DIAPH3: variants seen among roughly 807,000 people sequenced by gnomAD.
DIAPH3 encodes protein diaphanous homolog 3.
In DIAPH3, 117 loss-of-function variants were observed where a neutral mutation model predicts 144.3. The ratio of observed to expected loss-of-function variants is 0.81; its 90% CI spans 0.70 to 0.95. The LOEUF (loss-of-function observed/expected upper bound fraction) is 0.95. DIAPH3 is among the 40% of genes least tolerant of loss of function. The pLI, the probability that DIAPH3 is intolerant of heterozygous loss-of-function variation, is 0.00. For synonymous variants in DIAPH3, 519 were observed against 488.9 expected (o/e 1.06, Z -0.81); for missense variants, 1,421 against 1,412.7 (o/e 1.01, Z -0.09).
intron 9 of DIAPH3, among the ~76,000 whole-genome samples, chr13:60,006,924 T>C (rs2052907174): frequency 6.6e-6 from 1 of 152,192 alleles, no homozygotes; most frequent in African/African-American, 2.4e-5. Flanking sequence ...GACCCTCTGG[T>C]CAGATCTTCA....
At chr13:59,682,698 C>T (rs2033008799) in intron 27 of DIAPH3, among the ~76,000 whole-genome samples, 1 of 152,074 alleles carries the variant, frequency 6.6e-6, no homozygotes, top group African/African-American at 2.4e-5. Flanking sequence ...ACAAGGAATA[C>T]CCTATTCCCT....
At chr13:60,076,870 T>C (rs2057399107) in intron 4 of DIAPH3, among the ~76,000 whole-genome samples, 1 of 152,128 alleles carries the variant, frequency 6.6e-6, no homozygotes, top group Non-Finnish European at 1.5e-5. Context: ...TACTTATTTA[T>C]TGGGCATTAA....
chr13:59,779,013 T>C (rs1050008688), intron 25 of DIAPH3, among the ~76,000 whole-genome samples: 3 of 152,228 alleles, frequency 2.0e-5, no homozygotes, highest in African/African-American at 7.2e-5. Context: ...TTCAATTGTA[T>C]TTCCAATTGT....
chr13:60,131,550 G>A (rs540424774), intron 2 of DIAPH3, among the ~76,000 whole-genome samples: 25 of 150,656 alleles, frequency 1.7e-4, no homozygotes, highest in African/African-American at 5.9e-4. Flanking sequence ...GACCACATAC[G>A]ATATGAGTCA....
At chr13:60,066,940 G>T (rs2141325592) in intron 4 of DIAPH3, among the ~76,000 whole-genome samples, 1 of 152,278 alleles carries the variant, frequency 6.6e-6, no homozygotes, top group Non-Finnish European at 1.5e-5. Context: ...GGAACTATAT[G>T]TTTATGGAAG....
intron 23 of DIAPH3, among the ~76,000 whole-genome samples, chr13:59,835,233 T>C (rs552397827): frequency 7.9e-5 from 12 of 151,768 alleles, no homozygotes; most frequent in Non-Finnish European, 1.6e-4. Context: ...AGTTCCACTG[T>C]ATTCTAGGCA....
intron 9 of DIAPH3, among the ~76,000 whole-genome samples, chr13:59,996,808 G>C (rs945305934): frequency 6.6e-6 from 1 of 151,972 alleles, no homozygotes; most frequent in African/African-American, 2.4e-5. Context: ...AGCCGAAAGA[G>C]GTTAACAACA....
rs571818093 is a variant in DIAPH3, at chr13:59,861,848, C to T, written c.2608-312G>A. 2.0e-5 allele frequency among the ~76,000 whole-genome samples: 3 copies of T among 152,228 alleles called. No homozygotes were observed. The South Asian group carries it at 6.2e-4, about 32-fold the overall frequency. On this transcript the variant is annotated intron_variant, in intron 21 of 27. Coordinates refer to ENST00000400324, the MANE Select transcript of DIAPH3 (RefSeq NM_001042517.2). ...CTATTTAATAGTAGTATTTAAACAT[C>T]CTTGGCATTCATCCATTTATCACTT...
intron 1 of DIAPH3, among the ~76,000 whole-genome samples, chr13:60,142,861 G>T (rs776336653): frequency 6.6e-6 from 1 of 151,744 alleles, no homozygotes; most frequent in Admixed American, 6.6e-5. Context: ...GAGCTCAAGC[G>T]ATCAGCTTCC....
intron 17 of DIAPH3, among the ~76,000 whole-genome samples, chr13:59,935,193 T>C (rs2048206611): frequency 6.6e-6 from 1 of 152,204 alleles, no homozygotes. Context: ...CAAGGTCAAC[T>C]GCAGGCTGGG....
At chr13:59,773,001 T>A (rs186114176) in intron 27 of DIAPH3, among the ~76,000 whole-genome samples, 1 of 152,086 alleles carries the variant, frequency 6.6e-6, no homozygotes, top group African/African-American at 2.4e-5. Flanking sequence ...AAGATCAGGA[T>A]AGATCTACTC....
In DIAPH3 at chr13:59,781,115, A is replaced by C. The variant is rs533736873; in HGVS notation, c.3164-6292T>G. Among the ~76,000 whole-genome samples the C allele has an allele frequency of 9.8e-5, 15 of 152,288 alleles. No homozygotes were observed. The South Asian group carries it at 3.1e-3, about 32-fold the overall frequency. On this transcript the variant is annotated intron_variant, in intron 25 of 27. Coordinates refer to ENST00000400324, the MANE Select transcript of DIAPH3 (RefSeq NM_001042517.2). ...CAGCCACGGTACAACCTGAAATTTT[A>C]AATAACTAAGCATACAAAGAAGATC...
At chr13:59,748,533 A>G (rs1305430263) in intron 27 of DIAPH3, among the ~76,000 whole-genome samples, 1 of 152,234 alleles carries the variant, frequency 6.6e-6, no homozygotes, top group Non-Finnish European at 1.5e-5. Flanking sequence ...CCATTTGTTT[A>G]AAATTCCAGT....
chr13:60,014,157 T>G, intron 7 of DIAPH3, among the ~76,000 whole-genome samples: 1 of 152,160 alleles, frequency 6.6e-6, no homozygotes. Flanking sequence ...CAAATGTCCC[T>G]TTGGTTTAAA....
intron 27 of DIAPH3, among the ~76,000 whole-genome samples, chr13:59,724,630 TC>T (rs2035518339): frequency 6.6e-6 from 1 of 152,192 alleles, no homozygotes; most frequent in South Asian, 2.1e-4. Context: ...TTTCACTTCT[TC>T]ATCCTTAAAA....
chr13:60,061,708 T>C (rs533832753), intron 4 of DIAPH3, among the ~76,000 whole-genome samples: 4 of 151,974 alleles, frequency 2.6e-5, no homozygotes, highest in Admixed American at 6.6e-5. Flanking sequence ...GTTTTTCCTC[T>C]TAATAGACGC....
chr13:59,848,112 A>C lies in DIAPH3; in HGVS notation c.2738-8664T>G, dbSNP rs560272837. On this transcript the variant is annotated intron_variant, in intron 22 of 27. Coordinates refer to ENST00000400324, the MANE Select transcript of DIAPH3 (RefSeq NM_001042517.2). ...CACCCTCACTACTCTTCCCGATCCA[A>C]GCCAACATTATTCCTCCTCTAGATT... Among the ~76,000 whole-genome samples, 6 of 152,210 alleles carry C rather than the reference A, an allele frequency of 3.9e-5. No homozygotes were observed. The South Asian group carries it at 1.2e-3, about 32-fold the overall frequency.
intron 5 of DIAPH3, among the ~76,000 whole-genome samples, chr13:60,029,780 C>G (rs2054650911): frequency 6.6e-6 from 1 of 152,170 alleles, no homozygotes; most frequent in Admixed American, 6.6e-5. Context: ...AATACACTTC[C>G]TGTGGCAGTT....
chr13:59,829,281 T>G (rs1167952107), intron 24 of DIAPH3, among the ~76,000 whole-genome samples: 1 of 151,990 alleles, frequency 6.6e-6, no homozygotes, highest in Non-Finnish European at 1.5e-5. Flanking sequence ...TCCAAAAAAA[T>G]GGCCACTTTT....
Sources: allele counts gnomAD v4.1 joint callset (sites outside exome capture counted in the v4.1 genomes callset), GRCh38; gene constraint gnomAD v4.1.1; transcripts MANE v1.5; gene names NCBI Gene and HGNC (gene_info 2026-07-23, HGNC 2026-07-21).